Variants in CDH12 observed in about 807,000 individuals in gnomAD.
CDH12 encodes cadherin-12.
CDH12 carries 41 observed loss-of-function variants against 74.1 expected under a neutral mutation model. That is an observed-to-expected ratio of 0.55 (90% CI 0.43 to 0.72). CDH12 has a LOEUF of 0.72. Among genes scored for constraint, CDH12 ranks in the 30% least tolerant of loss-of-function variants. The probability of loss-of-function intolerance (pLI) is 0.00; values close to 1 mark genes in which losing one functional copy is unlikely to be tolerated. For missense variants in CDH12, 945 were observed against 977.2 expected (o/e 0.97, Z 0.44); for synonymous variants, 399 against 355.0 (o/e 1.12, Z -1.39).
intron 2 of CDH12, among the ~76,000 whole-genome samples, chr5:22,455,516 A>G (rs1457227405): frequency 6.6e-6 from 1 of 151,178 alleles, no homozygotes; most frequent in African/African-American, 2.5e-5. Flanking sequence ...TTTTAAACAG[A>G]CACTCTAGGT....
At chr5:22,193,944 G>A (rs954761486) in intron 4 of CDH12, among the ~76,000 whole-genome samples, 1 of 152,140 alleles carries the variant, frequency 6.6e-6, no homozygotes, top group Non-Finnish European at 1.5e-5. Flanking sequence ...ATAACTTAGG[G>A]ACTGCAAGGG....
chr5:22,846,241 A>C (rs1322940780), intron 1 of CDH12, among the ~76,000 whole-genome samples: 1 of 152,158 alleles, frequency 6.6e-6, no homozygotes, highest in Non-Finnish European at 1.5e-5. Flanking sequence ...GGTTTTGAAC[A>C]AGTTGGGTTT....
intron 5 of CDH12, among the ~76,000 whole-genome samples, chr5:22,022,910 C>G (rs59166847): frequency 0.23 from 34,866 of 152,034 alleles, 4,120 homozygotes; most frequent in South Asian, 0.33. Flanking sequence ...TTCATTAGCT[C>G]ATGTCCAAAG....
At chr5:21,954,281 C>T (rs1193967020) in intron 6 of CDH12, among the ~76,000 whole-genome samples, 4 of 151,712 alleles carry the variant, frequency 2.6e-5, no homozygotes, top group Admixed American at 1.3e-4. Flanking sequence ...GGTGCTCCTC[C>T]TCCTGTCATT....
At chr5:21,755,134 C>CT (rs1316271053) in intron 14 of CDH12, among the ~76,000 whole-genome samples, 12 of 152,250 alleles carry the variant, frequency 7.9e-5, no homozygotes, top group African/African-American at 2.9e-4. Context: ...TTTTATCTTC[C>CT]TTTCTTTATT....
intron 6 of CDH12, among the ~76,000 whole-genome samples, chr5:21,945,028 TA>T (rs1202337050): frequency 1.3e-5 from 2 of 151,760 alleles, no homozygotes; most frequent in Non-Finnish European, 2.9e-5. Flanking sequence ...TCTCATAATA[TA>T]AAAAAATATT....
chr5:22,234,933 C>A (rs997491878), intron 3 of CDH12, among the ~76,000 whole-genome samples: 1 of 151,748 alleles, frequency 6.6e-6, no homozygotes, highest in Admixed American at 6.6e-5. Flanking sequence ...TTTGTACAAA[C>A]CAACAAAGTC....
chr5:22,352,062 A>C (rs1166753227), intron 3 of CDH12, among the ~76,000 whole-genome samples: 3 of 152,074 alleles, frequency 2.0e-5, no homozygotes, highest in African/African-American at 7.2e-5. Context: ...TTTAGAAATC[A>C]AAATTATTAC....
In CDH12 at chr5:22,501,682, G is replaced by T. The variant is rs574425707; in HGVS notation, c.-428+3588C>A. Among the ~76,000 whole-genome samples, 5 of 151,122 alleles carry T rather than the reference G, an allele frequency of 3.3e-5. No homozygotes were observed. The South Asian group carries it at 1.0e-3, about 32-fold the overall frequency. Reference sequence around the variant, plus strand: ...CTAATTGCAACTCTAACAATAACCTGCCAGGGAATATCACATGAACAAAAT... The same window carrying T: ...CTAATTGCAACTCTAACAATAACCTTCCAGGGAATATCACATGAACAAAAT... On this transcript the variant is annotated intron_variant, in intron 2 of 14. Transcript: ENST00000382254.
At chr5:22,632,081 G>A (rs1283201605) in intron 1 of CDH12, among the ~76,000 whole-genome samples, 2 of 152,126 alleles carry the variant, frequency 1.3e-5, no homozygotes, top group Non-Finnish European at 2.9e-5. Context: ...GTTGGGAGGA[G>A]GGTGAGGATC....
chr5:21,826,644 T>C (rs566658783), intron 8 of CDH12, among the ~76,000 whole-genome samples: 6 of 152,282 alleles, frequency 3.9e-5, no homozygotes, highest in African/African-American at 1.4e-4. Context: ...TCTTCTTTCA[T>C]GTAGCGGGGA....
At chr5:22,372,868 T>C (rs1055154164) in intron 3 of CDH12, among the ~76,000 whole-genome samples, 5 of 151,996 alleles carry the variant, frequency 3.3e-5, no homozygotes, top group Non-Finnish European at 5.9e-5. Context: ...TTCCACATGC[T>C]CCAAGGACAA....
chr5:22,272,288 C>T (rs2150400992), intron 3 of CDH12, among the ~76,000 whole-genome samples: 1 of 152,242 alleles, frequency 6.6e-6, no homozygotes, highest in East Asian at 1.9e-4. Flanking sequence ...CTGCAGCTTC[C>T]TAACCTCTCA....
At position 22,805,061 on chromosome 5, in the gene CDH12, T is replaced by G. The variant is rs1231870753; in HGVS notation, c.-523+47997A>C. Among the ~76,000 whole-genome samples, 14 of 152,188 alleles carry G rather than the reference T, an allele frequency of 9.2e-5. 1 individual carries two copies. Among genetic ancestry groups the G allele is most frequent in the Admixed American group, 9.2e-4 (14 of 15,280 alleles). Reference sequence around the variant, plus strand: ...CTGGTGGGAATGTAAAATGCTATAATGATTTTGGAAAACAATTTAATATTA... The same window carrying G: ...CTGGTGGGAATGTAAAATGCTATAAGGATTTTGGAAAACAATTTAATATTA... On this transcript the variant is annotated intron_variant, in intron 1 of 14. Coordinates refer to ENST00000382254, the MANE Select transcript of CDH12 (RefSeq NM_004061.5).
chr5:22,480,631 T>A (rs578181439), intron 2 of CDH12, among the ~76,000 whole-genome samples: 7 of 151,452 alleles, frequency 4.6e-5, no homozygotes, highest in African/African-American at 1.7e-4. Context: ...TCCAATAGTG[T>A]CCAAAGGACA....
At chr5:21,987,538 G>C (rs1308768504) in intron 5 of CDH12, among the ~76,000 whole-genome samples, 2 of 152,094 alleles carry the variant, frequency 1.3e-5, no homozygotes, top group African/African-American at 4.8e-5. Flanking sequence ...GCAACTATTT[G>C]GCTTTCTGTC....
chr5:22,347,117 C>A (rs1469496462), intron 3 of CDH12, among the ~76,000 whole-genome samples: 1 of 152,148 alleles, frequency 6.6e-6, no homozygotes, highest in African/African-American at 2.4e-5. Context: ...GTATTTATTG[C>A]TGTGACAGTG....
chr5:22,788,478 T>C (rs2126374200), intron 1 of CDH12, among the ~76,000 whole-genome samples: 1 of 150,614 alleles, frequency 6.6e-6, no homozygotes, highest in Admixed American at 6.6e-5. Context: ...TTAAAATGCA[T>C]TGAATACTCA....
chr5:22,678,096 A>T (rs1487585796), intron 1 of CDH12, among the ~76,000 whole-genome samples: 2 of 152,006 alleles, frequency 1.3e-5, no homozygotes, highest in Non-Finnish European at 2.9e-5. Flanking sequence ...ATGCAAAAAT[A>T]ATCTATAACA....
Sources: gnomAD v4.1 joint callset for allele counts (sites outside exome capture counted in the v4.1 genomes callset) on GRCh38, gnomAD v4.1.1 for gene constraint, MANE v1.5 for transcripts, NCBI Gene and HGNC (gene_info 2026-07-23, HGNC 2026-07-21) for gene names.